The following MMP17 variants were observed in gnomAD, a reference collection of about 807,000 sequenced individuals.
The protein encoded by MMP17 is matrix metalloproteinase-17.
In MMP17, 54 loss-of-function variants were observed where a neutral mutation model predicts 49.1. That is an observed-to-expected ratio of 1.10 (90% CI 0.88 to 1.38). The LOEUF (loss-of-function observed/expected upper bound fraction) is 1.38. Among genes scored for constraint, MMP17 ranks in the 40% most tolerant of loss-of-function variants. MMP17 has a pLI of 0.00. For synonymous variants in MMP17, 397 were observed against 383.1 expected (o/e 1.04, Z -0.42); for missense variants, 837 against 853.7 (o/e 0.98, Z 0.24).
chr12:131,850,942 C>A lies in MMP17; in HGVS notation c.1480C>A (p.Arg494Ser). Reference sequence around the variant, plus strand: ...CTTCTCAGGTGCCTCCTACTTCTTCCGTGGCCAGGAGTACTGGAAAGTGCT... The same window carrying A: ...CTTCTCAGGTGCCTCCTACTTCTTCAGTGGCCAGGAGTACTGGAAAGTGCT... ...RWSDGASYFF[R>S]GQEYWKVLDG... The change falls in exon 10 of 10, where the codon CGT (arginine) becomes AGT (serine). Residue 494 changes from arginine to serine, a missense_variant. Transcript: ENST00000360564. The A allele has an allele frequency of 6.7e-7, 1 of 1,484,772 alleles. No homozygotes were observed. 92.0% of individuals were successfully genotyped at this position (1,484,772 alleles called of 1,614,324 possible). A position where few individuals can be genotyped will look rare whatever the true frequency, so the allele number is the denominator to read the frequency against.
At chr12:131,838,389 A>G (rs1250267105) in intron 2 of MMP17, 62 bp downstream of exon 2, 4 of 1,582,474 alleles carry the variant, frequency 2.5e-6, no homozygotes, top group Non-Finnish European at 2.6e-6. Context: ...CCCGTCGGCC[A>G]TGCCCCCTCT....
At chr12:131,844,956 AC>A (rs1278331841) in intron 6 of MMP17, 161 bp from the exon 7 acceptor site, 3 of 646,488 alleles carry the variant, frequency 4.6e-6, no homozygotes, top group East Asian at 2.8e-5. Flanking sequence ...GTGGACAGGC[AC>A]CCCCGTTTTA....
Position 131,846,216 on chromosome 12 carries a change from G to A in MMP17, c.1204+767G>A, listed in dbSNP as rs989741837. On this transcript the variant is annotated intron_variant, in intron 8 of 9. Transcript: ENST00000360564. The surrounding 1 kb of genome is among the most constrained non-coding windows in gnomAD (Gnocchi z 4.6). ...TAGGCAGGGTGGGTCCCCTCTGGAGGCTGTCCCAGGCCTCTCCCACATCCA... is the reference window on the plus strand; with the variant it reads ...TAGGCAGGGTGGGTCCCCTCTGGAGACTGTCCCAGGCCTCTCCCACATCCA... Among the ~76,000 whole-genome samples the A allele has an allele frequency of 2.0e-5, 3 of 152,054 alleles. No individual in the cohort carries two copies. The highest frequency in any genetic ancestry group is 6.6e-5 in the Admixed American group (1 of 15,242).
At chr12:131,845,481 T>TC in intron 8 of MMP17, 32 bp downstream of exon 8, 3 of 1,532,572 alleles carry the variant, frequency 2.0e-6, no homozygotes, top group Non-Finnish European at 2.6e-6. Context: ...ACTCCGGGCT[T>TC]CCCGGGCCCT....
chr12:131,847,269 C>G (rs561503810), intron 8 of MMP17, among the ~76,000 whole-genome samples: 1 of 151,842 alleles, frequency 6.6e-6, no homozygotes, highest in South Asian at 2.1e-4. Flanking sequence ...AAAAATTTGC[C>G]GGGCGTGGTG....
In MMP17 at chr12:131,828,660, G is replaced by A. The variant is rs1200396057; in HGVS notation, c.159+7G>A. ...GGACCTCAGCCTGGGAGTGGTGAGC[G>A]CGCGGGCGGGACGGGCGCGGAGCTC... On this transcript the variant is annotated splice_region_variant and intron_variant, in intron 1 of 9. Transcript: ENST00000360564. 4.5e-6 allele frequency: 2 copies of A among 442,542 alleles called. No homozygotes were observed. The highest frequency in any genetic ancestry group is 5.7e-5 in the Admixed American group (1 of 17,566). 27.4% of individuals were successfully genotyped at this position (442,542 alleles called of 1,614,324 possible).
chr12:131,849,804 G>A lies in MMP17; in HGVS notation c.1207G>A (p.Asp403Asn). 1 of 1,609,998 alleles carries A rather than the reference G, an allele frequency of 6.2e-7. No homozygotes were observed. Among genetic ancestry groups the A allele is most frequent in the Non-Finnish European group, 8.5e-7 (1 of 1,176,980 alleles). Residue 403 changes from aspartate (D) to asparagine (N), a missense_variant and splice_region_variant, in exon 9 of 10, where the codon GAC (aspartate) becomes AAC (asparagine). Asp to Asn is a conservative substitution (Grantham distance 23). Transcript: ENST00000360564. ...SDHKIVFFKG[D>N]RYWVFKDNNV... Reference sequence around the variant, plus strand: ...ACAGCTGTTTCTCTCGCCCCCAGGAGACAGGTACTGGGTGTTCAAGGACAA... The same window carrying A: ...ACAGCTGTTTCTCTCGCCCCCAGGAAACAGGTACTGGGTGTTCAAGGACAA...
At position 131,851,545 on chromosome 12, in the gene MMP17, GCCT is replaced by G. The variant is rs1566097064; in HGVS notation, c.*277_*279del. On this transcript the variant is annotated 3_prime_UTR_variant, in exon 10 of 10. Transcript: ENST00000360564. ...GCCCAGTCAGGCCGCACCGCCGCCA[GCCT>G]CCTCCGGCCCTGGAGGGAGCATCTC... is the stretch of plus-strand genomic sequence containing the variant. 7.9e-6 allele frequency: 3 copies of G among 377,966 alleles called. No homozygotes were observed. The highest frequency in any genetic ancestry group is 1.4e-5 in the Non-Finnish European group (3 of 212,804). 23.4% of individuals were successfully genotyped at this position (377,966 alleles called of 1,614,324 possible).
intron 1 of MMP17, among the ~76,000 whole-genome samples, chr12:131,829,919 T>A (rs1359476455): frequency 2.0e-5 from 3 of 152,208 alleles, no homozygotes; most frequent in Admixed American, 2.0e-4. Flanking sequence ...GTGGCTTCCT[T>A]CCAGCCAGGC....
intron 3 of MMP17, among the ~76,000 whole-genome samples, chr12:131,839,596 C>G (rs1887277312): frequency 6.6e-6 from 1 of 152,178 alleles, no homozygotes; most frequent in Admixed American, 6.5e-5. Flanking sequence ...GCCTCAGCCT[C>G]CCAAGTAGGT....
intron 1 of MMP17, among the ~76,000 whole-genome samples, chr12:131,836,240 G>A (rs770371435): frequency 1.8e-4 from 27 of 152,166 alleles, no homozygotes; most frequent in Non-Finnish European, 3.4e-4. Flanking sequence ...CTGGAAGGGG[G>A]ATCTCGGGGT....
At chr12:131,833,385 TC>T (rs889563008) in intron 1 of MMP17, among the ~76,000 whole-genome samples, 2 of 152,238 alleles carry the variant, frequency 1.3e-5, no homozygotes, top group African/African-American at 2.4e-5. Flanking sequence ...GATCCCGTCT[TC>T]CCCTGTGGGC....
Position 131,846,366 on chromosome 12 carries a change from G to GT in MMP17, c.1204+923dup, listed in dbSNP as rs1412700166. 6.6e-6 allele frequency among the ~76,000 whole-genome samples: 1 copy of GT among 151,878 alleles called. No homozygotes were observed. Among genetic ancestry groups the GT allele is most frequent in the Non-Finnish European group, 1.5e-5 (1 of 67,952 alleles). On this transcript the variant is annotated intron_variant, in intron 8 of 9. Coordinates refer to ENST00000360564, the MANE Select transcript of MMP17 (RefSeq NM_016155.7). The surrounding 1 kb of genome is among the most constrained non-coding windows in gnomAD (Gnocchi z 4.6). The stretch of plus-strand genomic sequence containing the variant: ...TGATTCAGGTCCCCTAGTCCTGTTT[G>GT]TTTTTTGTTTTTTGTTTTTTGTTTT...
Position 131,850,960 on chromosome 12 carries a change from A to T in MMP17, c.1498A>T (p.Lys500Ter), listed in dbSNP as rs551280686. The T allele has an allele frequency of 6.5e-7, 1 of 1,526,986 alleles. No individual in the cohort carries two copies. Among genetic ancestry groups the T allele is most frequent in the Non-Finnish European group, 8.8e-7 (1 of 1,138,798 alleles). 94.6% of individuals were successfully genotyped at this position (1,526,986 alleles called of 1,614,324 possible). A position where few individuals can be genotyped will look rare whatever the true frequency, so the allele number is the denominator to read the frequency against. Residue 500 changes from lysine (K) to a stop codon, truncating the protein, a stop_gained, in exon 10 of 10, where the codon AAA (lysine) becomes TAA (stop). Transcript: ENST00000360564. LOFTEE classifies it low-confidence loss of function (END_TRUNC). Reference sequence around the variant, plus strand: ...CTTCTTCCGTGGCCAGGAGTACTGGAAAGTGCTGGATGGCGAGCTGGAGGT... The same window carrying T: ...CTTCTTCCGTGGCCAGGAGTACTGGTAAGTGCTGGATGGCGAGCTGGAGGT... ...SYFFRGQEYW[K>*]VLDGELEVAP...
At chr12:131,832,913 C>T (rs773281535) in intron 1 of MMP17, among the ~76,000 whole-genome samples, 14 of 152,172 alleles carry the variant, frequency 9.2e-5, no homozygotes, top group Non-Finnish European at 1.5e-4. Flanking sequence ...ATGTGAGCAC[C>T]GCCCCACGCA....
chr12:131,830,409 G>A (rs2136304051), intron 1 of MMP17, among the ~76,000 whole-genome samples: 1 of 152,356 alleles, frequency 6.6e-6, no homozygotes. Flanking sequence ...AGGACGCTGC[G>A]GGCAGCCCCC....
intron 5 of MMP17, 89 bp from the exon 6 acceptor site, chr12:131,843,908 T>C: frequency 1.0e-6 from 1 of 982,580 alleles, no homozygotes; most frequent in Non-Finnish European, 1.5e-6. Flanking sequence ...TGGCCTCGGT[T>C]TCATCCCTGG....
intron 1 of MMP17, among the ~76,000 whole-genome samples, chr12:131,836,511 T>C (rs1420713836): frequency 1.3e-5 from 2 of 151,672 alleles, no homozygotes; most frequent in Non-Finnish European, 1.5e-5. Flanking sequence ...TAAAAAGTTA[T>C]GTTTTTTTCA....
At chr12:131,850,361 C>T (rs1887912408) in intron 9 of MMP17, among the ~76,000 whole-genome samples, 1 of 152,200 alleles carries the variant, frequency 6.6e-6, no homozygotes, top group South Asian at 2.1e-4. Flanking sequence ...CGTCTGGGCA[C>T]ACTTTCCTGA....
Sources: allele counts gnomAD v4.1 joint callset (sites outside exome capture counted in the v4.1 genomes callset), GRCh38; gene constraint gnomAD v4.1.1; non-coding constraint Gnocchi (gnomAD v3.1); transcripts MANE v1.5; gene names NCBI Gene and HGNC (gene_info 2026-07-23, HGNC 2026-07-21).